NCOA6: variants seen among roughly 807,000 people sequenced by gnomAD.
NCOA6 encodes the protein nuclear receptor coactivator 6.
In NCOA6, 49 loss-of-function variants were observed where a neutral mutation model predicts 171.4. The ratio of observed to expected loss-of-function variants is 0.29; its 90% CI spans 0.23 to 0.36. The LOEUF (loss-of-function observed/expected upper bound fraction) is 0.36, where lower values mean the gene tolerates loss of function less well. NCOA6 is among the 10% of genes least tolerant of loss of function. The probability of loss-of-function intolerance (pLI) is 1.00; values close to 1 mark genes in which losing one functional copy is unlikely to be tolerated. For synonymous variants in NCOA6, 910 were observed against 927.5 expected, an observed-to-expected ratio of 0.98 and a Z score of 0.34; for missense variants, 2,248 against 2,554.5, an observed-to-expected ratio of 0.88 and a Z score of 2.59.
intron 14 of NCOA6, among the ~76,000 whole-genome samples, chr20:34,722,685 A>G (rs1441519185): frequency 1.0e-5 from 1 of 97,720 alleles, no homozygotes; most frequent in African/African-American, 5.4e-5. Flanking sequence ...GTCTCAAATG[A>G]AAAAAAAAAA....
At chr20:34,783,088 C>T (rs1020785286) in intron 2 of NCOA6, among the ~76,000 whole-genome samples, 2 of 152,108 alleles carry the variant, frequency 1.3e-5, no homozygotes, top group South Asian at 4.1e-4. Context: ...TTGAGACCAG[C>T]CTGGCCAACA....
chr20:34,734,938 G>A (rs527726977), intron 12 of NCOA6, among the ~76,000 whole-genome samples: 65 of 152,190 alleles, frequency 4.3e-4, no homozygotes, highest in Middle Eastern at 3.4e-3. Flanking sequence ...GTGAGCCACC[G>A]CGCCTGGCCT....
intron 4 of NCOA6, among the ~76,000 whole-genome samples, chr20:34,770,874 C>T (rs1568821155): frequency 6.6e-6 from 1 of 151,768 alleles, no homozygotes; most frequent in Non-Finnish European, 1.5e-5. Context: ...AGACAATCCG[C>T]CTGTCTTGGC....
rs1290697881 is a variant in NCOA6, at chr20:34,715,098, GACA to G, written c.*221_*223del. ...ATGGCATTAGCTCCTTTCAATACAA[GACA>G]ACATTTTAGAAACCTTGAACTTCAA... On this transcript the variant is annotated 3_prime_UTR_variant, in exon 15 of 15. Transcript: ENST00000359003. 2 of 511,716 alleles carry G rather than the reference GACA, an allele frequency of 3.9e-6. No homozygotes were observed. Among genetic ancestry groups the G allele is most frequent in the Non-Finnish European group, 7.1e-6 (2 of 282,676 alleles). 31.7% of individuals were successfully genotyped at this position (511,716 alleles called of 1,614,324 possible). A position where few individuals can be genotyped will look rare whatever the true frequency, so the allele number is the denominator to read the frequency against.
At chr20:34,803,915 C>CT (rs1193445214) in intron 1 of NCOA6, among the ~76,000 whole-genome samples, 6 of 151,568 alleles carry the variant, frequency 4.0e-5, no homozygotes, top group African/African-American at 2.4e-5. Flanking sequence ...GGAGAAATGC[C>CT]TGAACCCGGG....
intron 2 of NCOA6, among the ~76,000 whole-genome samples, chr20:34,790,607 G>A (rs2077844946): frequency 2.6e-5 from 4 of 151,416 alleles, no homozygotes; most frequent in African/African-American, 4.9e-5. Flanking sequence ...TACCCGCCTC[G>A]GCCTCCCAAA....
chr20:34,784,954 G>T lies in NCOA6; in HGVS notation c.-49-2550C>A, dbSNP rs577850462. On this transcript the variant is annotated intron_variant, in intron 2 of 14. Transcript: ENST00000359003. ...AAATTAGCTGGGCATGGTAGCAGGC[G>T]CCTATAATCCCAGCTACTTGGGAGG... 9.7e-4 allele frequency among the ~76,000 whole-genome samples: 148 copies of T among 152,052 alleles called. 1 individual carries two copies. Among genetic ancestry groups the T allele is most frequent in the African/African-American group, 3.4e-3 (142 of 41,464 alleles).
Position 34,758,890 on chromosome 20 carries a change from C to A in NCOA6, c.558G>T (p.Pro186=). The A allele has an allele frequency of 6.2e-7, 1 of 1,613,738 alleles. No individual in the cohort carries two copies. The highest frequency in any genetic ancestry group is 8.5e-7 in the Non-Finnish European group (1 of 1,179,896). ...TCATGGAAGATGACACATTTCCACC[C>A]GGGGGTATCATAACAGTGGCAGGGT... ...MNNPATVMIP[P]GGNVSSSMMA... The change falls in exon 6 of 15, where the codon CCG becomes CCT. Residue 186 remains proline, a synonymous_variant. Transcript: ENST00000359003.
rs2145716527 is a variant in NCOA6, at chr20:34,750,537, T to C, written c.1676-18A>G. ...TTGACCACCTTAAAAAAAAAAAAAG[T>C]CACAGTTTCAGAAATAAATATTTTT... On this transcript the variant is annotated intron_variant, in intron 8 of 14. Transcript: ENST00000359003. 1 of 1,517,306 alleles carries C rather than the reference T, an allele frequency of 6.6e-7. No individual in the cohort carries two copies. The highest frequency in any genetic ancestry group is 2.3e-5 in the East Asian group (1 of 44,018). 94.0% of individuals were successfully genotyped at this position (1,517,306 alleles called of 1,614,324 possible). A position where few individuals can be genotyped will look rare whatever the true frequency, so the allele number is the denominator to read the frequency against.
chr20:34,823,461 A>G (rs2079065214), intron 1 of NCOA6, among the ~76,000 whole-genome samples: 2 of 152,218 alleles, frequency 1.3e-5, no homozygotes, highest in South Asian at 4.1e-4. Context: ...ATGCCCGCAT[A>G]ATATTTTTGT....
intron 2 of NCOA6, among the ~76,000 whole-genome samples, chr20:34,787,656 C>T (rs532034157): frequency 1.2e-4 from 19 of 152,258 alleles, no homozygotes; most frequent in African/African-American, 4.6e-4. Flanking sequence ...GATGCAGGAC[C>T]GGCAAGCCTC....
chr20:34,742,407 GATGGCCTTCA>G lies in NCOA6; in HGVS notation c.3839_3848del (p.Leu1280SerfsTer10). 1 of 1,614,236 alleles carries G rather than the reference GATGGCCTTCA, an allele frequency of 6.2e-7. No homozygotes were observed. The highest frequency in any genetic ancestry group is 8.5e-7 in the Non-Finnish European group (1 of 1,180,042). On this transcript the variant is annotated frameshift_variant, in exon 11 of 15. Transcript: ENST00000359003. LOFTEE classifies it high-confidence loss of function. ...TGGTAAGATTTGAAGGTGCTTGCCC[GATGGCCTTCA>G]AAGTTGTTGGATTTAGGCCTTGTTG...
chr20:34,773,802 G>C (rs911490036), intron 4 of NCOA6, among the ~76,000 whole-genome samples: 4 of 152,182 alleles, frequency 2.6e-5, no homozygotes, highest in African/African-American at 7.2e-5. Context: ...GGGATTACAG[G>C]TGTGACCCAC....
chr20:34,764,586 T>C (rs1415512199), intron 5 of NCOA6, among the ~76,000 whole-genome samples: 1 of 150,426 alleles, frequency 6.6e-6, no homozygotes, highest in Non-Finnish European at 1.5e-5. Context: ...CTAGGGAGGG[T>C]GAGGCAGAGA....
intron 2 of NCOA6, among the ~76,000 whole-genome samples, chr20:34,788,024 G>A (rs1203085961): frequency 6.6e-6 from 1 of 151,984 alleles, no homozygotes; most frequent in Admixed American, 6.6e-5. Flanking sequence ...ATGCCACCAC[G>A]CTTGACTAAT....
chr20:34,715,809 C>T (rs1177731722), intron 14 of NCOA6, among the ~76,000 whole-genome samples: 1 of 152,142 alleles, frequency 6.6e-6, no homozygotes, highest in Non-Finnish European at 1.5e-5. Context: ...CTTTTGGAGC[C>T]AAGCTATTGT....
intron 10 of NCOA6, among the ~76,000 whole-genome samples, chr20:34,743,591 G>A (rs2076217712): frequency 6.6e-6 from 1 of 152,126 alleles, no homozygotes; most frequent in African/African-American, 2.4e-5. Flanking sequence ...ATCTGAATGA[G>A]CCATGACTGT....
rs61754975 is a variant in NCOA6, at chr20:34,749,703, G to A, written c.2492C>T (p.Pro831Leu). ...VSIQQTNMVP[P>L]HVQAMQGNSA... ...GTTTCCCTGCATGGCCTGCACATGA[G>A]GGGGGACCATGTTGGTTTGTTGAAT... Residue 831 changes from proline (P) to leucine (L), a missense_variant, in exon 9 of 15, where the codon CCT becomes CTT. Physicochemically the swap from Pro to Leu is moderately conservative, Grantham distance 98 (BLOSUM62 -3). Coordinates refer to ENST00000359003, the MANE Select transcript of NCOA6 (RefSeq NM_014071.5). The A allele has an allele frequency of 7.4e-6, 12 of 1,614,106 alleles. No individual in the cohort carries two copies. In the East Asian group the frequency reaches 8.9e-5, roughly 12 times the overall value.
intron 4 of NCOA6, 51 bp from the exon 5 acceptor site, chr20:34,768,637 T>C: frequency 6.2e-7 from 1 of 1,603,734 alleles, no homozygotes; most frequent in Non-Finnish European, 8.5e-7. Context: ...AAAATGCAAA[T>C]TTTGTTTATA....
Sources: allele counts gnomAD v4.1 joint callset (sites outside exome capture counted in the v4.1 genomes callset), GRCh38; gene constraint gnomAD v4.1.1; transcripts MANE v1.5; gene names NCBI Gene and HGNC (gene_info 2026-07-23, HGNC 2026-07-21).